The following ATP8A2 variants were observed in gnomAD, a reference collection of about 807,000 sequenced individuals.
ATP8A2 encodes ATPase phospholipid transporting 8A2.
ATP8A2 carries 100 observed loss-of-function variants against 165.6 expected under a neutral mutation model. That is an observed-to-expected ratio of 0.60 (90% confidence interval 0.51 to 0.71). The LOEUF is 0.71. Ranked by LOEUF, ATP8A2 falls within the 30% of genes least tolerant of loss-of-function variation. ATP8A2 has a pLI of 0.00. For synonymous variants in ATP8A2, 543 were observed against 548.8 expected (o/e 0.99, Z 0.15); for missense variants, 1,227 against 1,479.5 (o/e 0.83, Z 2.80).
chr13:25,829,719 T>TATATATA (rs1555273748), intron 28 of ATP8A2, among the ~76,000 whole-genome samples: 2 of 109,834 alleles, frequency 1.8e-5, no homozygotes. Flanking sequence ...TATATATATA[T>TATATATA]ATCACCTGCT....
chr13:25,728,218 A>C (rs147294897), intron 25 of ATP8A2, among the ~76,000 whole-genome samples: 6 of 152,338 alleles, frequency 3.9e-5, no homozygotes, highest in African/African-American at 9.6e-5. Context: ...AGCTGTAGTG[A>C]CAAAGGGAAC....
chr13:25,951,264 A>G (rs1057369607), intron 33 of ATP8A2, among the ~76,000 whole-genome samples: 2 of 152,254 alleles, frequency 1.3e-5, no homozygotes, highest in Non-Finnish European at 1.5e-5. Context: ...GACCGGATAA[A>G]CAAATTGTGA....
rs528382851 is a variant in ATP8A2, at chr13:25,704,962, G to A, written c.2384+5617G>A. On this transcript the variant is annotated intron_variant, in intron 25 of 36. Coordinates refer to ENST00000381655, the MANE Select transcript of ATP8A2 (RefSeq NM_016529.6). Reference sequence around the variant, plus strand: ...TATTACTGATAATACAGTTTTGCACGAAAGTTTTGCTTTTCACATATTTTT... The same window carrying A: ...TATTACTGATAATACAGTTTTGCACAAAAGTTTTGCTTTTCACATATTTTT... Among the ~76,000 whole-genome samples, 7 of 152,246 alleles carry A rather than the reference G, an allele frequency of 4.6e-5. No homozygotes were observed. The South Asian group carries it at 6.2e-4, about 14-fold the overall frequency.
At chr13:25,585,342 A>G (rs1156668849) in intron 23 of ATP8A2, among the ~76,000 whole-genome samples, 1 of 152,202 alleles carries the variant, frequency 6.6e-6, no homozygotes, top group African/African-American at 2.4e-5. Flanking sequence ...CACTGAATAA[A>G]ACGTCTATTA....
intron 13 of ATP8A2, among the ~76,000 whole-genome samples, chr13:25,557,902 T>C (rs1215474473): frequency 1.3e-5 from 2 of 151,832 alleles, no homozygotes; most frequent in African/African-American, 4.8e-5. Flanking sequence ...AAATGTTCAT[T>C]AAAAATTTTT....
intron 27 of ATP8A2, among the ~76,000 whole-genome samples, chr13:25,785,492 AG>A (rs1197106503): frequency 6.6e-6 from 1 of 152,152 alleles, no homozygotes; most frequent in African/African-American, 2.4e-5. Flanking sequence ...TTTACCAATT[AG>A]GTTTTTCCTT....
chr13:25,956,577 C>G (rs567363790), intron 33 of ATP8A2, among the ~76,000 whole-genome samples: 1 of 152,290 alleles, frequency 6.6e-6, no homozygotes, highest in African/African-American at 2.4e-5. Context: ...CGTGAAGGAC[C>G]TCTTCAAGAA....
In ATP8A2 at chr13:25,933,446, A is replaced by C. The variant is rs559165890; in HGVS notation, c.3184-28129A>C. ...TCTGCAAAATGAAATTCAAGATCAC[A>C]GGGTTTCCTCTGTTAATTCAGTTTC... On this transcript the variant is annotated intron_variant, in intron 33 of 36. Coordinates refer to ENST00000381655, the MANE Select transcript of ATP8A2 (RefSeq NM_016529.6). Among the ~76,000 whole-genome samples, 3 of 152,346 alleles carry C rather than the reference A, an allele frequency of 2.0e-5. No individual in the cohort carries two copies. The South Asian group carries it at 6.2e-4, about 32-fold the overall frequency.
chr13:25,812,299 AC>A (rs1950896041), intron 27 of ATP8A2, among the ~76,000 whole-genome samples: 1 of 148,192 alleles, frequency 6.7e-6, no homozygotes. Flanking sequence ...CTTCTGAAGC[AC>A]CCTCTCCTCC....
intron 24 of ATP8A2, among the ~76,000 whole-genome samples, chr13:25,673,213 G>A (rs2042302905): frequency 6.6e-6 from 1 of 152,172 alleles, no homozygotes. Flanking sequence ...CTGTTCCTGT[G>A]ATTTTCAGAT....
chr13:25,775,882 A>G (rs904012695), intron 27 of ATP8A2, among the ~76,000 whole-genome samples: 2 of 152,244 alleles, frequency 1.3e-5, no homozygotes, highest in African/African-American at 2.4e-5. Flanking sequence ...TCAAATAACT[A>G]TTAATAACAA....
intron 24 of ATP8A2, among the ~76,000 whole-genome samples, chr13:25,639,901 A>G (rs4770856): frequency 0.99 from 150,658 of 152,294 alleles, 74,533 homozygotes; most frequent in East Asian, 1. Context: ...ATAACAAACT[A>G]TCTCTCAGAC....
chr13:25,928,544 A>C (rs957903272), intron 33 of ATP8A2, among the ~76,000 whole-genome samples: 1 of 152,238 alleles, frequency 6.6e-6, no homozygotes, highest in African/African-American at 2.4e-5. Flanking sequence ...CCAACCTTTA[A>C]AGAGAAAGAA....
chr13:25,954,079 C>T (rs1056493278), intron 33 of ATP8A2, among the ~76,000 whole-genome samples: 6 of 152,158 alleles, frequency 3.9e-5, no homozygotes, highest in African/African-American at 9.7e-5. Flanking sequence ...CCCACCCCGA[C>T]GGAGCCCAAC....
chr13:25,860,465 G>T (rs567757052), intron 31 of ATP8A2, among the ~76,000 whole-genome samples: 58 of 152,292 alleles, frequency 3.8e-4, no homozygotes, highest in African/African-American at 1.4e-3. Flanking sequence ...TTCTGGGCAG[G>T]TGGTTAACAG....
intron 1 of ATP8A2, among the ~76,000 whole-genome samples, chr13:25,439,272 T>A (rs908551691): frequency 4.6e-5 from 7 of 152,080 alleles, no homozygotes; most frequent in Non-Finnish European, 8.8e-5. Flanking sequence ...GCCTGCAGGG[T>A]GTGCCTAATA....
chr13:25,422,612 G>A (rs1430142440), intron 1 of ATP8A2, among the ~76,000 whole-genome samples: 1 of 152,100 alleles, frequency 6.6e-6, no homozygotes, highest in East Asian at 1.9e-4. Flanking sequence ...ACCTTCACAC[G>A]AGTCAGCCTA....
At chr13:25,851,420 T>TA (rs1401075085) in intron 30 of ATP8A2, among the ~76,000 whole-genome samples, 1 of 151,918 alleles carries the variant, frequency 6.6e-6, no homozygotes, top group Non-Finnish European at 1.5e-5. Context: ...CCGTCTCTGC[T>TA]AAAAATACAA....
intron 25 of ATP8A2, among the ~76,000 whole-genome samples, chr13:25,757,669 G>C (rs1047294883): frequency 6.6e-6 from 1 of 152,110 alleles, no homozygotes; most frequent in Non-Finnish European, 1.5e-5. Context: ...TAAGGCACAG[G>C]CATGATATTT....
Sources: gnomAD v4.1 joint callset for allele counts (sites outside exome capture counted in the v4.1 genomes callset) on GRCh38, gnomAD v4.1.1 for gene constraint, MANE v1.5 for transcripts, NCBI Gene and HGNC (gene_info 2026-07-23, HGNC 2026-07-21) for gene names.